Variants in GSE1 observed in about 807,000 individuals in gnomAD.
GSE1 encodes genetic suppressor element 1.
Under a neutral mutation model 112.6 loss-of-function variants are expected in GSE1, and 32 were observed. The observed-to-expected ratio is 0.28, with a 90% CI of 0.21 to 0.38. The LOEUF (loss-of-function observed/expected upper bound fraction) is 0.38, where lower values mean the gene tolerates loss of function less well. Ranked by LOEUF, GSE1 falls within the 10% of genes least tolerant of loss-of-function variation. GSE1 has a pLI of 1.00. For missense variants in GSE1, 2,348 were observed against 1,699.2 expected, an observed-to-expected ratio of 1.38 and a Z score of -6.71; for synonymous variants, 1,115 against 735.6, an observed-to-expected ratio of 1.52 and a Z score of -8.35.
chr16:85,453,195 G>T (rs1427231878), intron 2 of GSE1, among the ~76,000 whole-genome samples: 1 of 152,138 alleles, frequency 6.6e-6, no homozygotes, highest in Non-Finnish European at 1.5e-5. Context: ...TTAGACATTG[G>T]CACGGCTGAT....
chr16:85,574,960 C>T (rs1337222306), intron 1 of GSE1, among the ~76,000 whole-genome samples: 2 of 152,184 alleles, frequency 1.3e-5, no homozygotes, highest in East Asian at 1.9e-4. Flanking sequence ...CGCACCCTCC[C>T]GACAAGGCCG....
chr16:85,567,366 G>A (rs550000696), intron 1 of GSE1, among the ~76,000 whole-genome samples: 3 of 152,314 alleles, frequency 2.0e-5, no homozygotes, highest in East Asian at 3.9e-4. Context: ...TCTCTGCCCA[G>A]CTACACCTGG....
upstream of GSE1, among the ~76,000 whole-genome samples, chr16:85,554,643 C>T (rs2151253100): frequency 1.3e-5 from 2 of 152,320 alleles, no homozygotes; most frequent in East Asian, 1.9e-4. Flanking sequence ...CCAGGGCCGG[C>T]CGGCGTGTGC....
chr16:85,536,449 C>T (rs1044264797), intron 2 of GSE1, among the ~76,000 whole-genome samples: 1 of 152,220 alleles, frequency 6.6e-6, no homozygotes, highest in African/African-American at 2.4e-5. Flanking sequence ...CCAGGGTGTT[C>T]CCTGCTTGCC....
At chr16:85,500,245 A>G (rs1487882666) in intron 2 of GSE1, among the ~76,000 whole-genome samples, 1 of 152,210 alleles carries the variant, frequency 6.6e-6, no homozygotes, top group Non-Finnish European at 1.5e-5. Context: ...GAAGGGAAAA[A>G]CAAATGGGAA....
intron 2 of GSE1, among the ~76,000 whole-genome samples, chr16:85,519,770 C>T (rs2052117359): frequency 6.6e-6 from 1 of 152,166 alleles, no homozygotes; most frequent in Non-Finnish European, 1.5e-5. Flanking sequence ...ACCATATCAC[C>T]ACCGTTGTCA....
At chr16:85,248,492 C>A (rs1464534449) in intron 1 of GSE1, among the ~76,000 whole-genome samples, 1 of 151,966 alleles carries the variant, frequency 6.6e-6, no homozygotes, top group Non-Finnish European at 1.5e-5. Context: ...CTCTCTCCCT[C>A]CCTTTCTCTG....
intron 1 of GSE1, among the ~76,000 whole-genome samples, chr16:85,280,574 TTAG>T (rs1044476080): frequency 6.6e-6 from 1 of 152,158 alleles, no homozygotes; most frequent in African/African-American, 2.4e-5. Flanking sequence ...TTTTGTGTCT[TTAG>T]TAGAGACGGG....
At chr16:85,538,819 T>C (rs1310102750) in intron 2 of GSE1, among the ~76,000 whole-genome samples, 1 of 152,168 alleles carries the variant, frequency 6.6e-6, no homozygotes, top group African/African-American at 2.4e-5. Flanking sequence ...CCTTTCCTGC[T>C]TTAACCTCCC....
intron 1 of GSE1, among the ~76,000 whole-genome samples, chr16:85,289,770 C>G (rs1279150348): frequency 1.3e-5 from 2 of 152,164 alleles, no homozygotes; most frequent in Non-Finnish European, 2.9e-5. Context: ...GGAACCCAGG[C>G]CGGGCTGGTC....
rs980747750 is a variant in GSE1 at position 85,332,680 on chromosome 16, G to A, written c.2284-24783G>A. On this transcript the variant is annotated intron_variant, in intron 1 of 2. Coordinates refer to the GSE1 transcript ENST00000637419. ...TTGCGCCACACCGAGGGGACTGGAT[G>A]GTGTGATGCTTTTCCCACGCTGGAT... is the stretch of plus-strand genomic sequence containing the variant. Among the ~76,000 whole-genome samples, 14 of 152,240 alleles carry A rather than the reference G, an allele frequency of 9.2e-5. No individual in the cohort carries two copies. The East Asian group carries it at 1.9e-3, about 21-fold the overall frequency.
intron 2 of GSE1, among the ~76,000 whole-genome samples, chr16:85,413,403 T>TAC (rs2048629184): frequency 6.6e-6 from 1 of 151,906 alleles, no homozygotes; most frequent in Non-Finnish European, 1.5e-5. Context: ...GTCACCATCT[T>TAC]CCCCAGCTGT....
At chr16:85,303,407 G>A (rs1049189117) in intron 1 of GSE1, among the ~76,000 whole-genome samples, 1 of 152,212 alleles carries the variant, frequency 6.6e-6, no homozygotes, top group Non-Finnish European at 1.5e-5. Flanking sequence ...CCCACCTGTC[G>A]GTCTGACGGT....
At chr16:85,213,620 C>A (rs556405973) in intron 1 of GSE1, among the ~76,000 whole-genome samples, 1 of 152,366 alleles carries the variant, frequency 6.6e-6, no homozygotes, top group African/African-American at 2.4e-5. Flanking sequence ...ATTGCAACAG[C>A]CAGCCCGTGT....
intron 1 of GSE1, among the ~76,000 whole-genome samples, chr16:85,604,736 T>G (rs573631631): frequency 1.5e-3 from 23 of 15,104 alleles, no homozygotes; most frequent in African/African-American, 6.3e-3. Flanking sequence ...CAGAGTGAGA[T>G]TCTGTCAAAA....
chr16:85,586,838 G>C (rs2046721455), intron 1 of GSE1, among the ~76,000 whole-genome samples: 1 of 152,198 alleles, frequency 6.6e-6, no homozygotes, highest in Non-Finnish European at 1.5e-5. Context: ...TACTCCCCCA[G>C]CTCAGGCGAG....
intron 1 of GSE1, among the ~76,000 whole-genome samples, chr16:85,310,952 C>T (rs888278881): frequency 2.0e-5 from 3 of 152,188 alleles, no homozygotes; most frequent in African/African-American, 7.2e-5. Flanking sequence ...GACAGCAGGG[C>T]CCCCCGCCGC....
upstream of GSE1, among the ~76,000 whole-genome samples, chr16:85,607,766 TCTGGGTTAAATCTTAAATC>T (rs2047774631): frequency 6.6e-6 from 1 of 152,226 alleles, no homozygotes; most frequent in Non-Finnish European, 1.5e-5. Flanking sequence ...AATCAGCAGA[TCTGGGTTAAATCTTAAATC>T]CTGCCCAGGG....
chr16:85,553,929 G>A (rs1414598616), upstream of GSE1, among the ~76,000 whole-genome samples: 7 of 152,206 alleles, frequency 4.6e-5, no homozygotes, highest in Non-Finnish European at 1.0e-4. Context: ...AGTGGTTGGA[G>A]AGCGTTGGCA....
Sources: gnomAD v4.1 joint callset for allele counts (sites outside exome capture counted in the v4.1 genomes callset) on GRCh38, gnomAD v4.1.1 for gene constraint, MANE v1.5 for transcripts, NCBI Gene and HGNC (gene_info 2026-07-23, HGNC 2026-07-21) for gene names.